NCKAP5: variants seen among roughly 807,000 people sequenced by gnomAD.
NCKAP5 encodes nck-associated protein 5.
In NCKAP5, 92 loss-of-function variants were observed where a neutral mutation model predicts 167.0. The ratio of observed to expected loss-of-function variants is 0.55; its 90% CI spans 0.47 to 0.66. The LOEUF (loss-of-function observed/expected upper bound fraction) is 0.66, where lower values mean the gene tolerates loss of function less well. Among genes scored for constraint, NCKAP5 ranks in the 30% least tolerant of loss-of-function variants. NCKAP5 has a pLI of 0.00. For synonymous variants in NCKAP5, 891 were observed against 877.4 expected, an observed-to-expected ratio of 1.02 and a Z score of -0.27; for missense variants, 2,378 against 2,315.0, an observed-to-expected ratio of 1.03 and a Z score of -0.56.
At chr2:133,370,413 C>G (rs1443954153) in intron 3 of NCKAP5, among the ~76,000 whole-genome samples, 1 of 152,162 alleles carries the variant, frequency 6.6e-6, no homozygotes, top group Non-Finnish European at 1.5e-5. Context: ...GATTCTGTTA[C>G]TGAGAAATCT....
intron 6 of NCKAP5, among the ~76,000 whole-genome samples, chr2:133,121,206 A>G (rs1165572045): frequency 6.6e-6 from 1 of 152,208 alleles, no homozygotes; most frequent in Admixed American, 6.5e-5. Context: ...GTCCAATATT[A>G]TAGGTCTTTA....
intron 3 of NCKAP5, among the ~76,000 whole-genome samples, chr2:133,516,514 T>C (rs561012487): frequency 1.3e-5 from 2 of 152,288 alleles, no homozygotes; most frequent in South Asian, 4.1e-4. Context: ...TCCCAGAAAC[T>C]CACATCTATG....
chr2:133,543,547 GA>G (rs1686403872), intron 2 of NCKAP5, among the ~76,000 whole-genome samples: 1 of 152,158 alleles, frequency 6.6e-6, no homozygotes, highest in African/African-American at 2.4e-5. Flanking sequence ...ATTTCAGTCT[GA>G]TATTATCACT....
chr2:133,147,919 G>T (rs930497891), intron 5 of NCKAP5, among the ~76,000 whole-genome samples: 1 of 152,026 alleles, frequency 6.6e-6, no homozygotes, highest in African/African-American at 2.4e-5. Context: ...GGAAGCATGG[G>T]TACCAAAGGG....
chr2:133,007,637 A>G (rs973808050), intron 6 of NCKAP5, among the ~76,000 whole-genome samples: 29 of 152,170 alleles, frequency 1.9e-4, no homozygotes, highest in African/African-American at 7.0e-4. Context: ...CTTTTCTTCC[A>G]TGGGTAGGGG....
chr2:133,303,948 T>A (rs930771136), intron 3 of NCKAP5, among the ~76,000 whole-genome samples: 3 of 152,282 alleles, frequency 2.0e-5, no homozygotes, highest in Non-Finnish European at 4.4e-5. Context: ...TTCCTCTGAA[T>A]CTGGTATTTT....
At chr2:133,303,237 T>G in intron 3 of NCKAP5, 127 bp from the exon 4 acceptor site, 1 of 645,550 alleles carries the variant, frequency 1.5e-6, no homozygotes, top group South Asian at 1.9e-5. Flanking sequence ...GGTTCTAGGA[T>G]TCTCTGCTTC....
intron 3 of NCKAP5, among the ~76,000 whole-genome samples, chr2:133,316,954 C>T (rs1257339133): frequency 6.6e-6 from 1 of 152,154 alleles, no homozygotes; most frequent in East Asian, 1.9e-4. Flanking sequence ...ACAAGTGAAT[C>T]ACCATGACTG....
the NCKAP5 span, among the ~76,000 whole-genome samples, chr2:133,626,869 A>G: frequency 6.6e-6 from 1 of 151,988 alleles, no homozygotes; most frequent in Non-Finnish European, 1.5e-5. Context: ...GTTTGAATAC[A>G]TATATTCAAT....
intron 6 of NCKAP5, among the ~76,000 whole-genome samples, chr2:133,044,925 T>G (rs903153830): frequency 2.6e-5 from 4 of 151,884 alleles, no homozygotes; most frequent in Non-Finnish European, 5.9e-5. Flanking sequence ...TGTGTTGGTG[T>G]ACATCTGTAG....
At chr2:133,120,098 A>C (rs2082204351) in intron 6 of NCKAP5, among the ~76,000 whole-genome samples, 1 of 152,226 alleles carries the variant, frequency 6.6e-6, no homozygotes. Flanking sequence ...CTGTCTTGAG[A>C]AAATGCATGC....
At chr2:133,607,591 T>C in the NCKAP5 span, among the ~76,000 whole-genome samples, 2 of 152,188 alleles carry the variant, frequency 1.3e-5, no homozygotes, top group South Asian at 4.1e-4. Flanking sequence ...GAAGAAGTTC[T>C]CCTGTGAATA....
At chr2:133,149,509 C>T (rs536459510) in intron 5 of NCKAP5, among the ~76,000 whole-genome samples, 7 of 150,918 alleles carry the variant, frequency 4.6e-5, no homozygotes, top group South Asian at 4.2e-4. Context: ...CGTCAAATTG[C>T]GCATAACATG....
intron 11 of NCKAP5, among the ~76,000 whole-genome samples, chr2:132,817,457 T>A (rs1281713139): frequency 2.0e-5 from 3 of 151,858 alleles, no homozygotes; most frequent in African/African-American, 7.3e-5. Flanking sequence ...AAAAAAAAAA[T>A]TCCTGGTTTT....
intron 4 of NCKAP5, among the ~76,000 whole-genome samples, chr2:133,223,400 G>A (rs1291079167): frequency 6.6e-6 from 1 of 152,076 alleles, no homozygotes; most frequent in East Asian, 1.9e-4. Flanking sequence ...ACACAGAAGT[G>A]CCCTGGGGAG....
chr2:133,053,398 T>C (rs768198401), intron 6 of NCKAP5, among the ~76,000 whole-genome samples: 2 of 152,224 alleles, frequency 1.3e-5, no homozygotes, highest in African/African-American at 4.8e-5. Flanking sequence ...AAATGGTAAC[T>C]AGCATTCCAG....
chr2:133,465,169 C>T (rs1168948764), intron 3 of NCKAP5, among the ~76,000 whole-genome samples: 1 of 114,988 alleles, frequency 8.7e-6, no homozygotes, highest in Non-Finnish European at 1.7e-5. Context: ...TCCCCCCACC[C>T]CACAACAGTC....
In NCKAP5 at chr2:132,895,124, G is replaced by A. The variant is rs1292931243; in HGVS notation, c.580-16208C>T. ...AGGCGGGCGGATCACAAGGTCAGGA[G>A]ATGGAGACCTTCCTGGCTAACACGG... On this transcript the variant is annotated intron_variant, in intron 8 of 19. Transcript: ENST00000409261. 8.5e-5 allele frequency among the ~76,000 whole-genome samples: 13 copies of A among 152,148 alleles called. No individual in the cohort carries two copies. The East Asian group carries it at 1.7e-3, about 20-fold the overall frequency.
the NCKAP5 span, among the ~76,000 whole-genome samples, chr2:133,580,020 G>A: frequency 6.6e-6 from 1 of 152,078 alleles, no homozygotes; most frequent in Non-Finnish European, 1.5e-5. Flanking sequence ...TTCAACTGTG[G>A]TGCTGCAGAG....
Sources: allele counts gnomAD v4.1 joint callset (sites outside exome capture counted in the v4.1 genomes callset), GRCh38; gene constraint gnomAD v4.1.1; transcripts MANE v1.5; gene names NCBI Gene and HGNC (gene_info 2026-07-23, HGNC 2026-07-21).